ADCY9: variants seen among roughly 807,000 people sequenced by gnomAD.
The protein encoded by ADCY9 is adenylate cyclase type 9.
Under a neutral mutation model 101.5 loss-of-function variants are expected in ADCY9, and 50 were observed. The ratio of observed to expected loss-of-function variants is 0.49; its 90% CI spans 0.39 to 0.62. The LOEUF (loss-of-function observed/expected upper bound fraction) is 0.62, where lower values mean the gene tolerates loss of function less well. ADCY9 is among the 20% of genes least tolerant of loss of function. The probability of loss-of-function intolerance (pLI) is 0.00; values close to 1 mark genes in which losing one functional copy is unlikely to be tolerated. For missense variants in ADCY9, 1,662 were observed against 1,800.4 expected (o/e 0.92, Z 1.39); for synonymous variants, 905 against 769.3 (o/e 1.18, Z -2.92).
intron 2 of ADCY9, among the ~76,000 whole-genome samples, chr16:4,056,433 T>G (rs934621465): frequency 2.0e-5 from 3 of 152,160 alleles, no homozygotes; most frequent in Non-Finnish European, 4.4e-5. Flanking sequence ...TTTGTATTTT[T>G]AGTAGAGATG....
intron 2 of ADCY9, among the ~76,000 whole-genome samples, chr16:4,083,830 C>T (rs939891289): frequency 6.6e-6 from 1 of 152,084 alleles, no homozygotes. Flanking sequence ...CAGAAAGCAG[C>T]TTAGGGGCTG....
intron 2 of ADCY9, among the ~76,000 whole-genome samples, chr16:4,043,614 T>C (rs113254770): frequency 0.033 from 4,986 of 152,090 alleles, 287 homozygotes; most frequent in African/African-American, 0.11. Flanking sequence ...CACTTGAACA[T>C]GAGAGGCAGA....
intron 2 of ADCY9, among the ~76,000 whole-genome samples, chr16:4,061,276 G>T (rs2056772005): frequency 6.6e-6 from 1 of 151,974 alleles, no homozygotes; most frequent in African/African-American, 2.4e-5. Context: ...CGAAGCAAAA[G>T]GAAGCAGAAA....
intron 4 of ADCY9, 120 bp downstream of exon 4, chr16:3,993,286 G>A: frequency 6.7e-7 from 1 of 1,495,634 alleles, no homozygotes; most frequent in Non-Finnish European, 9.0e-7. Context: ...CGCGGGTGCG[G>A]AGTGCTGTTA....
At chr16:4,107,974 C>T (rs2057088712) in intron 2 of ADCY9, among the ~76,000 whole-genome samples, 1 of 152,188 alleles carries the variant, frequency 6.6e-6, no homozygotes, top group African/African-American at 2.4e-5. Flanking sequence ...AGCGGGTCTC[C>T]TCCCCAAGTT....
At position 3,998,008 on chromosome 16, in the gene ADCY9, C is replaced by T. The variant is rs545679495; in HGVS notation, c.1885-4498G>A. ...ACTGGGGAGACTGAGGCAGGAGAGT[C>T]GCTTGGACCCGGGAGGCGGAGGTTG... On this transcript the variant is annotated intron_variant, in intron 3 of 10. Transcript: ENST00000294016. Among the ~76,000 whole-genome samples, 344 of 152,190 alleles carry T rather than the reference C, an allele frequency of 2.3e-3. 2 individuals are homozygous for T. Among genetic ancestry groups the T allele is most frequent in the Middle Eastern group, 0.017 (5 of 294 alleles).
chr16:4,048,086 G>A (rs779281088), intron 2 of ADCY9, among the ~76,000 whole-genome samples: 6 of 151,628 alleles, frequency 4.0e-5, no homozygotes, highest in Non-Finnish European at 7.4e-5. Flanking sequence ...GTCTGGGAAG[G>A]GCGCCAAAGA....
intron 2 of ADCY9, among the ~76,000 whole-genome samples, chr16:4,027,757 A>G (rs573289319): frequency 2.0e-5 from 3 of 152,128 alleles, no homozygotes; most frequent in East Asian, 3.9e-4. Context: ...CATGCCTGTA[A>G]TCCCAGCTAC....
intron 2 of ADCY9, among the ~76,000 whole-genome samples, chr16:4,013,522 C>T (rs1004005674): frequency 6.6e-6 from 1 of 152,130 alleles, no homozygotes; most frequent in African/African-American, 2.4e-5. Flanking sequence ...CTTTGGGAGC[C>T]AGCCACATAG....
chr16:4,074,922 C>A (rs146557960), intron 2 of ADCY9, among the ~76,000 whole-genome samples: 1 of 151,694 alleles, frequency 6.6e-6, no homozygotes, highest in South Asian at 2.1e-4. Context: ...CACCTGTAAT[C>A]CCAATACTTT....
chr16:4,062,584 G>A (rs1444776389), intron 2 of ADCY9, among the ~76,000 whole-genome samples: 1 of 152,168 alleles, frequency 6.6e-6, no homozygotes, highest in African/African-American at 2.4e-5. Context: ...GGAGGCTGTG[G>A]CAGGTGGATT....
At chr16:4,111,651 G>A (rs140676647) in intron 2 of ADCY9, among the ~76,000 whole-genome samples, 76 of 152,134 alleles carry the variant, frequency 5.0e-4, no homozygotes, top group African/African-American at 1.6e-3. Context: ...AAACAAAATC[G>A]TGGTCTCAGA....
At chr16:4,015,967 C>CAA (rs147260055) in intron 2 of ADCY9, among the ~76,000 whole-genome samples, 69 of 142,372 alleles carry the variant, frequency 4.8e-4, no homozygotes, top group Middle Eastern at 3.5e-3. Context: ...GACCCTGTCT[C>CAA]AAAAAAATAA....
intron 2 of ADCY9, among the ~76,000 whole-genome samples, chr16:4,021,657 C>G (rs4786452): frequency 0.79 from 120,200 of 152,184 alleles, 47,940 homozygotes; most frequent in Middle Eastern, 0.85. Context: ...CATCTGCATA[C>G]TGAGACTTCC....
chr16:4,115,580 C>T lies in ADCY9; in HGVS notation c.-43-95G>A, dbSNP rs1046143806. On this transcript the variant is annotated intron_variant, in intron 1 of 10. Coordinates refer to ENST00000294016, the MANE Select transcript of ADCY9 (RefSeq NM_001116.4). The surrounding 1 kb of genome is among the most constrained non-coding windows in gnomAD (Gnocchi z 6.2). ...CTCCTGTCCTAAGGGGCGGCTCCAG[C>T]ACGCGACCTGGACAGGCACCATCTG... 43 of 1,074,294 alleles carry T rather than the reference C, an allele frequency of 4.0e-5. No homozygotes were observed. The highest frequency in any genetic ancestry group is 4.8e-5 in the Non-Finnish European group (37 of 771,304). 66.5% of individuals were successfully genotyped at this position (1,074,294 alleles called of 1,614,324 possible).
intron 2 of ADCY9, among the ~76,000 whole-genome samples, chr16:4,100,590 G>GA (rs778778506): frequency 9.9e-5 from 15 of 151,746 alleles, no homozygotes; most frequent in Non-Finnish European, 2.1e-4. Context: ...CTCAGCCTCC[G>GA]AAAGTGCTGG....
intron 2 of ADCY9, chr16:4,054,168 C>T (rs138924094): frequency 6.6e-6 from 1 of 152,250 alleles, no homozygotes; most frequent in African/African-American, 2.4e-5. Context: ...AGAATAGTGC[C>T]TGGCTCACAA....
At chr16:3,994,194 C>T (rs552023678) in intron 3 of ADCY9, among the ~76,000 whole-genome samples, 5 of 152,146 alleles carry the variant, frequency 3.3e-5, no homozygotes, top group South Asian at 2.1e-4. Flanking sequence ...CTCGTCCCTT[C>T]GCCCTGGGAG....
At chr16:4,058,912 T>C (rs1243404153) in intron 2 of ADCY9, among the ~76,000 whole-genome samples, 1 of 152,020 alleles carries the variant, frequency 6.6e-6, no homozygotes, top group Non-Finnish European at 1.5e-5. Context: ...GGAACTTTGG[T>C]AAGAGGATAT....
Sources: allele counts gnomAD v4.1 joint callset (sites outside exome capture counted in the v4.1 genomes callset), GRCh38; gene constraint gnomAD v4.1.1; non-coding constraint Gnocchi (gnomAD v3.1); transcripts MANE v1.5; gene names NCBI Gene and HGNC (gene_info 2026-07-23, HGNC 2026-07-21).